Variants in DOCK1 observed in about 807,000 individuals in gnomAD.
The protein encoded by DOCK1 is dedicator of cytokinesis protein 1.
In DOCK1, 138 loss-of-function variants were observed where a neutral mutation model predicts 262.7. That is an observed-to-expected ratio of 0.53 (90% confidence interval 0.46 to 0.61). DOCK1 has a LOEUF of 0.61. Among genes scored for constraint, DOCK1 ranks in the 20% least tolerant of loss-of-function variants. The pLI is 0.00. For missense variants in DOCK1, 1,908 were observed against 2,370.7 expected (o/e 0.80, Z 4.05); for synonymous variants, 866 against 867.4 (o/e 1.00, Z 0.03).
chr10:127,000,377 G>C (rs2040500561), intron 10 of DOCK1, 70 bp downstream of exon 10: 1 of 1,572,324 alleles, frequency 6.4e-7, no homozygotes, highest in Non-Finnish European at 8.7e-7. Context: ...AATCACTGTT[G>C]AATGTTGATT....
chr10:127,394,221 C>T (rs2134226830), intron 38 of DOCK1, among the ~76,000 whole-genome samples: 1 of 152,188 alleles, frequency 6.6e-6, no homozygotes, highest in African/African-American at 2.4e-5. Context: ...GGCAGGTTGA[C>T]AAATGCGATA....
At chr10:126,957,021 G>A (rs1013584510) in intron 1 of DOCK1, among the ~76,000 whole-genome samples, 6 of 152,180 alleles carry the variant, frequency 3.9e-5, no homozygotes, top group Non-Finnish European at 8.8e-5. Flanking sequence ...GCTCTCCCTG[G>A]GCACAGGCTG....
intron 1 of DOCK1, among the ~76,000 whole-genome samples, chr10:126,941,601 A>C (rs1215932164): frequency 6.6e-6 from 1 of 152,048 alleles, no homozygotes; most frequent in Non-Finnish European, 1.5e-5. Context: ...CTAAAAGTAC[A>C]AAAAATTAGC....
chr10:127,114,822 A>G lies in DOCK1; in HGVS notation c.2623+4468A>G, dbSNP rs185602208. Among the ~76,000 whole-genome samples, 422 of 149,754 alleles carry G rather than the reference A, an allele frequency of 2.8e-3. 9 individuals are homozygous for G. The highest frequency in any genetic ancestry group is 0.027 in the Admixed American group (408 of 14,968). On this transcript the variant is annotated intron_variant, in intron 25 of 51. Transcript: ENST00000623213. ...GTCAGGCTGGAGTGCAGTGGCACGA[A>G]CTTGGCTCACTGCAACCTGTGCCTC...
intron 27 of DOCK1, among the ~76,000 whole-genome samples, chr10:127,140,812 T>C (rs913000226): frequency 6.6e-6 from 1 of 152,198 alleles, no homozygotes; most frequent in African/African-American, 2.4e-5. Flanking sequence ...CACCTGCTCT[T>C]CTGGTTAGAG....
At chr10:127,367,286 T>C (rs2064973541) in intron 33 of DOCK1, among the ~76,000 whole-genome samples, 1 of 152,196 alleles carries the variant, frequency 6.6e-6, no homozygotes, top group Non-Finnish European at 1.5e-5. Flanking sequence ...ACTCCTTTCC[T>C]GTCTCCACTT....
At chr10:127,372,933 A>G (rs2065283891) in intron 33 of DOCK1, among the ~76,000 whole-genome samples, 1 of 152,156 alleles carries the variant, frequency 6.6e-6, no homozygotes, top group South Asian at 2.1e-4. Context: ...CCCCTGCAGC[A>G]TGGCTAGTCA....
At chr10:127,002,827 G>A (rs1423463016) in intron 10 of DOCK1, among the ~76,000 whole-genome samples, 1 of 152,178 alleles carries the variant, frequency 6.6e-6, no homozygotes, top group Admixed American at 6.5e-5. Context: ...GTCTGGACTG[G>A]TCTCTGGTTC....
intron 18 of DOCK1, among the ~76,000 whole-genome samples, chr10:127,036,909 G>A (rs1382833843): frequency 2.7e-5 from 4 of 150,592 alleles, no homozygotes; most frequent in East Asian, 2.0e-4. Context: ...CCCAGGAGGC[G>A]GAGGTTGCAG....
intron 29 of DOCK1, among the ~76,000 whole-genome samples, chr10:127,332,278 A>T (rs188559559): frequency 2.0e-5 from 3 of 152,238 alleles, no homozygotes; most frequent in Non-Finnish European, 2.9e-5. Flanking sequence ...GCCTGTGTCC[A>T]GCAGGGCTGA....
At position 126,980,277 on chromosome 10, in the gene DOCK1, G is replaced by A. The variant is rs535524863; in HGVS notation, c.172-1641G>A. 2.4e-4 allele frequency among the ~76,000 whole-genome samples: 37 copies of A among 152,130 alleles called. No homozygotes were observed. In the South Asian group the frequency reaches 5.2e-3, roughly 21 times the overall value. Reference sequence around the variant, plus strand: ...CACGATCATAGATCACTGCCACCGCGACTTCCTGGGCTCAAGGTATTCTCC... The same window carrying A: ...CACGATCATAGATCACTGCCACCGCAACTTCCTGGGCTCAAGGTATTCTCC... On this transcript the variant is annotated intron_variant, in intron 3 of 51. Transcript: ENST00000623213.
intron 4 of DOCK1, 75 bp downstream of exon 4, chr10:126,982,048 C>A: frequency 3.3e-6 from 5 of 1,502,456 alleles, no homozygotes; most frequent in Admixed American, 1.8e-5. Context: ...TGTACGATGG[C>A]GTAATATGAG....
intron 13 of DOCK1, 143 bp downstream of exon 13, chr10:127,018,978 G>T: frequency 7.9e-7 from 1 of 1,269,110 alleles, no homozygotes; most frequent in Non-Finnish European, 1.1e-6. Flanking sequence ...CCCCAGCATG[G>T]TTATGGATCA....
chr10:127,369,886 T>G (rs12570609), intron 33 of DOCK1, among the ~76,000 whole-genome samples: 55,413 of 152,128 alleles, frequency 0.36, 10,255 homozygotes, highest in Admixed American at 0.47. Context: ...TGAGCACAGG[T>G]ACTCAAGGCT....
chr10:127,258,541 C>T (rs1247779112), intron 29 of DOCK1, among the ~76,000 whole-genome samples: 1 of 152,206 alleles, frequency 6.6e-6, no homozygotes, highest in African/African-American at 2.4e-5. Context: ...GAACCATTTT[C>T]CTGTTGAAGG....
intron 31 of DOCK1, among the ~76,000 whole-genome samples, chr10:127,347,598 G>A (rs143544876): frequency 0.01 from 1,533 of 152,012 alleles, 13 homozygotes; most frequent in Middle Eastern, 0.024. Flanking sequence ...GTGGGGGCTC[G>A]TGGTCTGGGA....
intron 1 of DOCK1, among the ~76,000 whole-genome samples, chr10:126,961,454 A>G (rs1340251317): frequency 6.7e-6 from 1 of 148,782 alleles, no homozygotes; most frequent in Non-Finnish European, 1.5e-5. Context: ...TCCCCAGTGA[A>G]ACTCAGCACC....
chr10:127,024,176 C>T (rs900708133), intron 14 of DOCK1, among the ~76,000 whole-genome samples: 1 of 152,136 alleles, frequency 6.6e-6, no homozygotes, highest in Non-Finnish European at 1.5e-5. Flanking sequence ...GGCTCAGTGT[C>T]GCCAAGAGAA....
intron 23 of DOCK1, among the ~76,000 whole-genome samples, chr10:127,089,767 G>A (rs962233664): frequency 7.9e-5 from 12 of 152,222 alleles, no homozygotes; most frequent in South Asian, 2.1e-4. Flanking sequence ...CAGTGCTGGC[G>A]TGTGGACACC....
Sources: gnomAD v4.1 joint callset for allele counts (sites outside exome capture counted in the v4.1 genomes callset) on GRCh38, gnomAD v4.1.1 for gene constraint, MANE v1.5 for transcripts, NCBI Gene and HGNC (gene_info 2026-07-23, HGNC 2026-07-21) for gene names.